Variants in ALPK1 observed in about 807,000 individuals in gnomAD.
ALPK1 encodes alpha-protein kinase 1.
In ALPK1, 110 loss-of-function variants were observed where a neutral mutation model predicts 120.6. The observed-to-expected ratio is 0.91, with a 90% CI of 0.78 to 1.07. The LOEUF (loss-of-function observed/expected upper bound fraction) is 1.07. Ranked by LOEUF, ALPK1 falls within the 50% of genes least tolerant of loss-of-function variation. ALPK1 has a pLI of 0.00. For synonymous variants in ALPK1, 582 were observed against 560.3 expected (o/e 1.04, Z -0.55); for missense variants, 1,498 against 1,483.9 (o/e 1.01, Z -0.16).
chr4:112,316,749 T>C (rs1245632884), intron 2 of ALPK1, among the ~76,000 whole-genome samples: 2 of 152,160 alleles, frequency 1.3e-5, no homozygotes, highest in African/African-American at 4.8e-5. Context: ...TTTCTGTACT[T>C]ATTGGCCATT....
rs1478795130 is a variant in ALPK1 at position 112,430,753 on chromosome 4, A to G, written c.1206A>G (p.Glu402=). ...FSTSSRSQDR[E]ALSQEVMSVI... The stretch of plus-strand genomic sequence containing the variant: ...CTTCCTCCAGAAGTCAGGACAGAGA[A>G]GCTCTGTCTCAAGAAGTTATGTCTG... The change falls in exon 11 of 16, where the codon GAA becomes GAG. Residue 402 remains glutamate (E), a synonymous_variant. Transcript: ENST00000650871. 2.5e-6 allele frequency: 4 copies of G among 1,614,226 alleles called. No individual in the cohort carries two copies. The highest frequency in any genetic ancestry group is 3.4e-6 in the Non-Finnish European group (4 of 1,180,026).
chr4:112,341,809 A>G (rs1469783219), intron 2 of ALPK1, among the ~76,000 whole-genome samples: 1 of 152,222 alleles, frequency 6.6e-6, no homozygotes, highest in African/African-American at 2.4e-5. Context: ...CAACATAATG[A>G]TATCGGTGCC....
intron 1 of ALPK1, among the ~76,000 whole-genome samples, chr4:112,303,444 T>C (rs1727878401): frequency 6.6e-6 from 1 of 152,232 alleles, no homozygotes; most frequent in Non-Finnish European, 1.5e-5. Context: ...CCTAGATGTC[T>C]TTTTTATTTA....
At chr4:112,357,344 G>C in intron 2 of ALPK1, 2 of 783,312 alleles carry the variant, frequency 2.6e-6, no homozygotes, top group South Asian at 3.2e-5. Context: ...AGACCCCTCC[G>C]AGAATGGCCC....
intron 4 of ALPK1, among the ~76,000 whole-genome samples, chr4:112,401,369 G>A (rs924003364): frequency 2.6e-5 from 4 of 152,174 alleles, no homozygotes; most frequent in African/African-American, 9.7e-5. Flanking sequence ...AGAATTGTTG[G>A]ATTTGTGCTA....
chr4:112,435,364 T>G, intron 12 of ALPK1, 63 bp downstream of exon 12: 1 of 1,504,650 alleles, frequency 6.6e-7, no homozygotes, highest in Non-Finnish European at 9.0e-7. Flanking sequence ...TTCTGTTAAG[T>G]AATCACTCAT....
At chr4:112,440,861 A>G in intron 14 of ALPK1, 56 bp from the exon 15 acceptor site, 1 of 1,514,150 alleles carries the variant, frequency 6.6e-7, no homozygotes, top group Non-Finnish European at 8.8e-7. Flanking sequence ...TTTTGTAAAC[A>G]CTTGATGGAC....
rs373840421 is a variant in ALPK1 at position 112,432,604 on chromosome 4, T to A, written c.3034+23T>A. On this transcript the variant is annotated intron_variant, in intron 11 of 15. Transcript: ENST00000650871. ...ATAGTAAGTACAATCTTTTCAATAG[T>A]TCCCCCCTCAGGAAGCAGCTGTGTT... The A allele has an allele frequency of 3.0e-4, 481 of 1,593,858 alleles. 1 individual carries two copies. The African/African-American group carries it at 5.7e-3, about 19-fold the overall frequency.
intron 2 of ALPK1, chr4:112,356,058 T>G (rs1730596799): frequency 3.7e-6 from 3 of 820,456 alleles, no homozygotes; most frequent in Non-Finnish European, 6.4e-6. Flanking sequence ...CCTGAGATGT[T>G]TGGAGTGTTT....
At chr4:112,340,124 A>T (rs1251685582) in intron 2 of ALPK1, among the ~76,000 whole-genome samples, 1 of 152,262 alleles carries the variant, frequency 6.6e-6, no homozygotes, top group Admixed American at 6.5e-5. Context: ...AACTCTGTTC[A>T]TCGTCTTCAA....
chr4:112,418,528 G>A (rs1733846720), intron 5 of ALPK1, among the ~76,000 whole-genome samples: 3 of 152,204 alleles, frequency 2.0e-5, no homozygotes, highest in South Asian at 2.1e-4. Context: ...TAGGAGTCAG[G>A]CATTTAGGAA....
chr4:112,317,290 T>C (rs947057993), intron 2 of ALPK1, among the ~76,000 whole-genome samples: 1 of 152,150 alleles, frequency 6.6e-6, no homozygotes, highest in Non-Finnish European at 1.5e-5. Context: ...GTGCTTTCCA[T>C]TTCATATACA....
At chr4:112,434,336 G>T (rs555413956) in intron 11 of ALPK1, among the ~76,000 whole-genome samples, 1 of 152,008 alleles carries the variant, frequency 6.6e-6, no homozygotes, top group African/African-American at 2.4e-5. Context: ...TCACCATCCC[G>T]CCCAGCCCAC....
chr4:112,372,313 A>C (rs1284912297), intron 2 of ALPK1, among the ~76,000 whole-genome samples: 2 of 150,358 alleles, frequency 1.3e-5, no homozygotes, highest in Non-Finnish European at 2.9e-5. Context: ...TCCCAGGTTC[A>C]TGCCATTCTC....
intron 12 of ALPK1, 56 bp downstream of exon 12, chr4:112,435,357 T>C: frequency 6.5e-7 from 1 of 1,532,128 alleles, no homozygotes; most frequent in Non-Finnish European, 8.8e-7. Context: ...CTTGCTCTTC[T>C]GTTAAGTAAT....
intron 2 of ALPK1, among the ~76,000 whole-genome samples, chr4:112,325,628 G>A (rs951121457): frequency 2.6e-5 from 4 of 152,098 alleles, no homozygotes; most frequent in Admixed American, 6.5e-5. Context: ...ATCGTACGGC[G>A]TTTTGTTATC....
At chr4:112,419,698 T>C (rs939487529) in intron 5 of ALPK1, among the ~76,000 whole-genome samples, 1 of 152,218 alleles carries the variant, frequency 6.6e-6, no homozygotes, top group Non-Finnish European at 1.5e-5. Context: ...GTATCCTGCA[T>C]GGCTGAAAAT....
intron 1 of ALPK1, among the ~76,000 whole-genome samples, chr4:112,305,279 C>T (rs1433534382): frequency 6.6e-6 from 1 of 151,320 alleles, no homozygotes; most frequent in Non-Finnish European, 1.5e-5. Flanking sequence ...TTTTCCAATT[C>T]TGTGAAGAAA....
chr4:112,364,768 G>A (rs1731067563), intron 2 of ALPK1, among the ~76,000 whole-genome samples: 1 of 152,038 alleles, frequency 6.6e-6, no homozygotes, highest in African/African-American at 2.4e-5. Flanking sequence ...GAAAACTACA[G>A]ACCAATTTCC....
Sources: gnomAD v4.1 joint callset for allele counts (sites outside exome capture counted in the v4.1 genomes callset) on GRCh38, gnomAD v4.1.1 for gene constraint, MANE v1.5 for transcripts, NCBI Gene and HGNC (gene_info 2026-07-23, HGNC 2026-07-21) for gene names.